Variants in GPHN observed in about 807,000 individuals in gnomAD.
The protein encoded by GPHN is gephyrin.
In GPHN, 17 loss-of-function variants were observed where a neutral mutation model predicts 95.5. The ratio of observed to expected loss-of-function variants is 0.18; its 90% CI spans 0.12 to 0.27. The LOEUF (loss-of-function observed/expected upper bound fraction) is 0.27, where lower values mean the gene tolerates loss of function less well. Ranked by LOEUF, GPHN falls within the 10% of genes least tolerant of loss-of-function variation. The pLI is 1.00. For synonymous variants in GPHN, 320 were observed against 322.5 expected, an observed-to-expected ratio of 0.99 and a Z score of 0.08; for missense variants, 660 against 978.1, an observed-to-expected ratio of 0.67 and a Z score of 4.34.
rs192554749 is a variant in GPHN, at chr14:67,050,096, A to C, written c.1007-8553A>C. Among the ~76,000 whole-genome samples, 189 of 152,358 alleles carry C rather than the reference A, an allele frequency of 1.2e-3. 1 individual carries two copies. Among genetic ancestry groups the C allele is most frequent in the Middle Eastern group, 3.4e-3 (1 of 294 alleles). On this transcript the variant is annotated intron_variant, in intron 10 of 22. Coordinates refer to ENST00000478722, the MANE Select transcript of GPHN (RefSeq NM_020806.5). ...ACCGGTATCAATCCAATAGCACCAC[A>C]GTATGTTAATTTCTTCAATTAAGTT...
At chr14:66,823,807 G>A (rs1324915064) in intron 3 of GPHN, among the ~76,000 whole-genome samples, 1 of 152,136 alleles carries the variant, frequency 6.6e-6, no homozygotes, top group Non-Finnish European at 1.5e-5. Flanking sequence ...GCAATTAAAT[G>A]ATGAAATTCT....
At chr14:66,694,137 G>A (rs1367603496) in intron 2 of GPHN, among the ~76,000 whole-genome samples, 2 of 152,084 alleles carry the variant, frequency 1.3e-5, no homozygotes, top group African/African-American at 4.8e-5. Context: ...TGAAGGATGA[G>A]GCCTTTGGGA....
chr14:67,161,416 T>A (rs2081974783), intron 19 of GPHN, among the ~76,000 whole-genome samples: 2 of 152,160 alleles, frequency 1.3e-5, no homozygotes, highest in South Asian at 4.1e-4. Flanking sequence ...CTAATCTGAT[T>A]AGGATACAGA....
the GPHN span, among the ~76,000 whole-genome samples, chr14:67,596,240 T>C: frequency 1.3e-5 from 2 of 150,210 alleles, no homozygotes; most frequent in East Asian, 4.0e-4. Context: ...GTGATTCTCC[T>C]GCCTCAGCCT....
chr14:67,458,401 C>G, the GPHN span, among the ~76,000 whole-genome samples: 11 of 152,168 alleles, frequency 7.2e-5, no homozygotes, highest in Non-Finnish European at 1.2e-4. Flanking sequence ...CCTGCCAGAC[C>G]CGCAGCGTGC....
chr14:67,542,525 A>G, the GPHN span, among the ~76,000 whole-genome samples: 1 of 152,022 alleles, frequency 6.6e-6, no homozygotes, highest in Non-Finnish European at 1.5e-5. Flanking sequence ...TACTTCTAAG[A>G]GTTATTTTGA....
At chr14:67,657,777 C>G in the GPHN span, among the ~76,000 whole-genome samples, 1 of 96,374 alleles carries the variant, frequency 1.0e-5, no homozygotes, top group African/African-American at 3.9e-5. Flanking sequence ...TTGAGACAGT[C>G]TCGCTCTGTC....
chr14:67,238,236 T>C, the GPHN span, among the ~76,000 whole-genome samples: 1 of 151,940 alleles, frequency 6.6e-6, no homozygotes, highest in Non-Finnish European at 1.5e-5. Context: ...AATAGATTTC[T>C]TTTTTCTTTT....
At chr14:66,750,999 A>C (rs1489478966) in intron 2 of GPHN, among the ~76,000 whole-genome samples, 1 of 152,052 alleles carries the variant, frequency 6.6e-6, no homozygotes, top group East Asian at 1.9e-4. Context: ...GTCTGTATTT[A>C]TAGCATTCTT....
chr14:66,577,623 A>G (rs192981571), intron 1 of GPHN, among the ~76,000 whole-genome samples: 5 of 152,308 alleles, frequency 3.3e-5, no homozygotes, highest in African/African-American at 9.6e-5. Context: ...TACATATGCA[A>G]TCTGCTGTCA....
chr14:67,111,527 C>T (rs1189663924), intron 14 of GPHN, among the ~76,000 whole-genome samples: 1 of 151,926 alleles, frequency 6.6e-6, no homozygotes, highest in Non-Finnish European at 1.5e-5. Context: ...AGGGTAGCCA[C>T]CTACATATGT....
At chr14:66,530,652 G>A (rs754199586) in intron 1 of GPHN, among the ~76,000 whole-genome samples, 2 of 152,150 alleles carry the variant, frequency 1.3e-5, no homozygotes, top group Non-Finnish European at 2.9e-5. Context: ...ACGGTCTACT[G>A]AGCCTGAGTG....
the GPHN span, among the ~76,000 whole-genome samples, chr14:67,558,104 TG>T: frequency 6.6e-6 from 1 of 152,228 alleles, no homozygotes; most frequent in African/African-American, 2.4e-5. Context: ...AGAGGACTTC[TG>T]GAACATCTAC....
chr14:67,619,693 CT>C, the GPHN span: 5 of 332,240 alleles, frequency 1.5e-5, no homozygotes, highest in African/African-American at 1.1e-4. Context: ...TATTGGCCTT[CT>C]GGCGTCAGCG....
intron 4 of GPHN, among the ~76,000 whole-genome samples, chr14:66,835,843 T>C (rs147372163): frequency 0.016 from 2,370 of 151,994 alleles, 32 homozygotes; most frequent in Non-Finnish European, 0.018. Context: ...CCATTCACAA[T>C]TGCTTCAAAC....
At chr14:66,995,335 C>G (rs2071711917) in intron 9 of GPHN, among the ~76,000 whole-genome samples, 1 of 152,134 alleles carries the variant, frequency 6.6e-6, no homozygotes, top group Non-Finnish European at 1.5e-5. Flanking sequence ...TCCAAAAATT[C>G]TGTGAATCAT....
At chr14:66,989,833 G>T (rs1395166593) in intron 9 of GPHN, among the ~76,000 whole-genome samples, 3 of 152,036 alleles carry the variant, frequency 2.0e-5, no homozygotes, top group African/African-American at 4.8e-5. Flanking sequence ...ATGCTAAAAA[G>T]AAAAAGTTAT....
the GPHN span, among the ~76,000 whole-genome samples, chr14:67,195,739 G>A: frequency 6.6e-6 from 1 of 151,752 alleles, no homozygotes; most frequent in Non-Finnish European, 1.5e-5. Flanking sequence ...GTGTGTGTGT[G>A]TGTGTGTGTG....
chr14:67,094,501 T>C (rs1399253952), intron 12 of GPHN, among the ~76,000 whole-genome samples: 3 of 152,194 alleles, frequency 2.0e-5, no homozygotes, highest in Non-Finnish European at 2.9e-5. Context: ...ATTCTAAATC[T>C]GCAGAAGTCC....
Sources: allele counts gnomAD v4.1 joint callset (sites outside exome capture counted in the v4.1 genomes callset), GRCh38; gene constraint gnomAD v4.1.1; transcripts MANE v1.5; gene names NCBI Gene and HGNC (gene_info 2026-07-23, HGNC 2026-07-21).